TESK2: variants seen among roughly 807,000 people sequenced by gnomAD.
TESK2 encodes testis associated actin remodelling kinase 2.
In TESK2, 39 loss-of-function variants were observed where a neutral mutation model predicts 57.1. The observed-to-expected ratio is 0.68, with a 90% CI of 0.53 to 0.89. The LOEUF is 0.89. TESK2 is among the 40% of genes least tolerant of loss of function. The probability of loss-of-function intolerance (pLI) is 0.00; values close to 1 mark genes in which losing one functional copy is unlikely to be tolerated. For missense variants in TESK2, 646 were observed against 732.1 expected (o/e 0.88, Z 1.36); for synonymous variants, 249 against 267.9 (o/e 0.93, Z 0.69).
At position 45,458,901 on chromosome 1, in the gene TESK2, T is replaced by C. The variant is rs183800808; in HGVS notation, c.-86-1030A>G. Among the ~76,000 whole-genome samples the C allele has an allele frequency of 9.2e-5, 14 of 152,256 alleles. 1 individual carries two copies. The highest frequency in any genetic ancestry group is 4.6e-4 in the Admixed American group (7 of 15,290). On this transcript the variant is annotated intron_variant, in intron 1 of 10. Coordinates refer to ENST00000372086, the MANE Select transcript of TESK2 (RefSeq NM_007170.3). ...TTAGCCTGTCTCTCCCTCTTTCTAC[T>C]TTTTTCCATGAGACTCAATTGTAAG...
intron 2 of TESK2, among the ~76,000 whole-genome samples, chr1:45,422,759 T>TGTTGTTGTTGTTGTTGTTGTTGTTGTTG (rs1553152259): frequency 6.8e-6 from 1 of 146,888 alleles, no homozygotes; most frequent in African/African-American, 2.5e-5. Context: ...TGTCTGGTTT[T>TGTTGTTGTTGTTGTTGTTGTTGTTGTTG]TTGTTGTTGT....
In TESK2 at chr1:45,424,375, C is replaced by T. The variant is rs544952050; in HGVS notation, c.223-2529G>A. On this transcript the variant is annotated intron_variant, in intron 2 of 10. Coordinates refer to ENST00000372086, the MANE Select transcript of TESK2 (RefSeq NM_007170.3). The stretch of plus-strand genomic sequence containing the variant: ...GCCACAGGAACCCTGATCGGAAAAA[C>T]TAAGGCAGGCAGAACACTGGCTGCC... Among the ~76,000 whole-genome samples the T allele has an allele frequency of 2.4e-3, 368 of 152,288 alleles. 2 individuals are homozygous for T. The highest frequency in any genetic ancestry group is 3.9e-3 in the Non-Finnish European group (264 of 68,024).
At chr1:45,486,782 T>TGCATACACAC (rs1430314120) in intron 1 of TESK2, among the ~76,000 whole-genome samples, 1 of 115,868 alleles carries the variant, frequency 8.6e-6, no homozygotes, top group Non-Finnish European at 1.6e-5. Context: ...CCTCCCAGCA[T>TGCATACACAC]ACACACACAC....
intron 4 of TESK2, among the ~76,000 whole-genome samples, chr1:45,377,415 C>T (rs1160145566): frequency 6.8e-6 from 1 of 146,350 alleles, no homozygotes; most frequent in Non-Finnish European, 1.5e-5. Flanking sequence ...AATAAGAGAA[C>T]AAGGATTTTT....
At chr1:45,376,528 T>G (rs1648436184) in intron 4 of TESK2, among the ~76,000 whole-genome samples, 1 of 152,110 alleles carries the variant, frequency 6.6e-6, no homozygotes, top group Non-Finnish European at 1.5e-5. Context: ...CTTCACACTA[T>G]TTTTGATTTC....
At chr1:45,439,800 T>A (rs528930136) in intron 2 of TESK2, among the ~76,000 whole-genome samples, 1 of 152,094 alleles carries the variant, frequency 6.6e-6, no homozygotes, top group Non-Finnish European at 1.5e-5. Context: ...CAAAAAAATT[T>A]AAAAATTAGC....
chr1:45,408,087 C>G (rs1649915577), intron 3 of TESK2, among the ~76,000 whole-genome samples: 1 of 152,166 alleles, frequency 6.6e-6, no homozygotes, highest in African/African-American at 2.4e-5. Context: ...CTTTCTAGGT[C>G]TCAAGGCTTC....
intron 5 of TESK2, among the ~76,000 whole-genome samples, chr1:45,348,617 C>A (rs1195212537): frequency 6.6e-6 from 1 of 152,220 alleles, no homozygotes; most frequent in Non-Finnish European, 1.5e-5. Flanking sequence ...GCTTGACTTA[C>A]CAAACCTGAA....
intron 4 of TESK2, among the ~76,000 whole-genome samples, chr1:45,383,559 T>C (rs1482652018): frequency 2.0e-5 from 3 of 152,198 alleles, no homozygotes; most frequent in Non-Finnish European, 4.4e-5. Flanking sequence ...CAAGAGAATA[T>C]TGCATTATGA....
intron 4 of TESK2, among the ~76,000 whole-genome samples, chr1:45,379,909 G>A (rs1648587384): frequency 6.6e-6 from 1 of 151,442 alleles, no homozygotes; most frequent in African/African-American, 2.4e-5. Context: ...TTTTTTTTTA[G>A]GCAGAGTCTC....
rs1417214556 is a variant in TESK2 at position 45,352,905 on chromosome 1, C to CT, written c.540+2397dup. Among the ~76,000 whole-genome samples the CT allele has an allele frequency of 1.1e-3, 154 of 144,372 alleles. 2 individuals are homozygous for CT. Among genetic ancestry groups the CT allele is most frequent in the Admixed American group, 5.7e-3 (83 of 14,446 alleles). The allele number at this position is 144,372 out of a possible 152,430, so 94.7% of individuals were successfully genotyped here. A position where few individuals can be genotyped will look rare whatever the true frequency, so the allele number is the denominator to read the frequency against. On this transcript the variant is annotated intron_variant, in intron 5 of 10. Transcript: ENST00000372086. ...CAAATGCAATTTTCTTTTTTTTTTT[C>CT]TTTTTTTTTTCCAAGACGGAGTCTC... is the stretch of plus-strand genomic sequence containing the variant.
intron 2 of TESK2, among the ~76,000 whole-genome samples, chr1:45,422,759 T>TTTGTTGTTGTTGTTGTTGTTGTTGTTG (rs140964940): frequency 0.29 from 43,237 of 146,690 alleles, 7,094 homozygotes; most frequent in Admixed American, 0.36. Flanking sequence ...TGTCTGGTTT[T>TTTGTTGTTGTTGTTGTTGTTGTTGTTG]TTGTTGTTGT....
Position 45,384,686 on chromosome 1 carries a change from T to A in TESK2, c.393+1226A>T, listed in dbSNP as rs115011065. ...GTCTCGAAATCCTGGTCTTAGGTAA[T>A]CCTCTCACCTCAGACTCCCAAATAT... On this transcript the variant is annotated intron_variant, in intron 4 of 10. Coordinates refer to ENST00000372086, the MANE Select transcript of TESK2 (RefSeq NM_007170.3). Among the ~76,000 whole-genome samples, 638 of 138,972 alleles carry A rather than the reference T, an allele frequency of 4.6e-3. 6 individuals are homozygous for A. Among genetic ancestry groups the A allele is most frequent in the African/African-American group, 0.015 (584 of 38,236 alleles). 91.2% of individuals were successfully genotyped at this position (138,972 alleles called of 152,430 possible). A position where few individuals can be genotyped will look rare whatever the true frequency, so the allele number is the denominator to read the frequency against.
chr1:45,396,587 C>T (rs532261511), intron 3 of TESK2, among the ~76,000 whole-genome samples: 1 of 151,968 alleles, frequency 6.6e-6, no homozygotes, highest in South Asian at 2.1e-4. Flanking sequence ...CTCCCAGGTT[C>T]AAGCAATTCT....
chr1:45,411,415 A>G lies in TESK2; in HGVS notation c.344+10310T>C, dbSNP rs1025292662. Among the ~76,000 whole-genome samples, 66 of 152,138 alleles carry G rather than the reference A, an allele frequency of 4.3e-4. 1 individual carries two copies. The highest frequency in any genetic ancestry group is 2.0e-4 in the Admixed American group (3 of 15,268). On this transcript the variant is annotated intron_variant, in intron 3 of 10. Transcript: ENST00000372086. Reference sequence around the variant, plus strand: ...ATTTGATTCTCATAAGGGACGTGCAACCAAGATCCCTCGCATGCACAGTTC... The same window carrying G: ...ATTTGATTCTCATAAGGGACGTGCAGCCAAGATCCCTCGCATGCACAGTTC...
At chr1:45,399,900 T>A (rs908080516) in intron 3 of TESK2, among the ~76,000 whole-genome samples, 5 of 152,156 alleles carry the variant, frequency 3.3e-5, no homozygotes, top group African/African-American at 1.2e-4. Flanking sequence ...AAAGAGAAAT[T>A]TCATTTTACT....
intron 3 of TESK2, among the ~76,000 whole-genome samples, chr1:45,416,947 C>T (rs1364507341): frequency 2.0e-5 from 3 of 151,804 alleles, no homozygotes; most frequent in Non-Finnish European, 4.4e-5. Flanking sequence ...CCACCACACC[C>T]GGCTGATTTT....
rs1208189706 is a variant in TESK2, at chr1:45,344,929, C to CG, written c.1626_1627insC (p.Glu543ArgfsTer56). On this transcript the variant is annotated frameshift_variant, in exon 11 of 11. Coordinates refer to ENST00000372086, the MANE Select transcript of TESK2 (RefSeq NM_007170.3). LOFTEE classifies it high-confidence loss of function. ...GAGCCTGCTGGCCTTTCTTCTACCT[C>CG]CATCTCCTCAGAAGCACCCGCAGGG... 3 of 1,614,114 alleles carry CG rather than the reference C, an allele frequency of 1.9e-6. No homozygotes were observed. Among genetic ancestry groups the CG allele is most frequent in the Non-Finnish European group, 2.5e-6 (3 of 1,180,054 alleles).
chr1:45,471,600 G>T (rs12128718), intron 1 of TESK2, among the ~76,000 whole-genome samples: 1 of 151,780 alleles, frequency 6.6e-6, no homozygotes, highest in South Asian at 2.1e-4. Context: ...TGGAGATGGG[G>T]TTTCACTATG....
Sources: allele counts gnomAD v4.1 joint callset (sites outside exome capture counted in the v4.1 genomes callset), GRCh38; gene constraint gnomAD v4.1.1; transcripts MANE v1.5; gene names NCBI Gene and HGNC (gene_info 2026-07-23, HGNC 2026-07-21).